The following ANO4 variants were observed in gnomAD, a reference collection of about 807,000 sequenced individuals.
ANO4 encodes anoctamin 4.
Under a neutral mutation model 141.9 loss-of-function variants are expected in ANO4, and 69 were observed. The ratio of observed to expected loss-of-function variants is 0.49; its 90% CI spans 0.40 to 0.59. The LOEUF (loss-of-function observed/expected upper bound fraction) is 0.59. Among genes scored for constraint, ANO4 ranks in the 20% least tolerant of loss-of-function variants. ANO4 has a pLI of 0.00. For synonymous variants in ANO4, 350 were observed against 394.3 expected (o/e 0.89, Z 1.33); for missense variants, 894 against 1,162.2 (o/e 0.77, Z 3.36).
intron 14 of ANO4, among the ~76,000 whole-genome samples, chr12:101,055,768 A>T (rs1324967663): frequency 6.6e-6 from 1 of 151,996 alleles, no homozygotes; most frequent in South Asian, 2.1e-4. Context: ...TTTCGTCTAT[A>T]TTGTCTTCTA....
rs144147343 is a variant in ANO4, at chr12:101,015,002, T to C, written c.735-5032T>C. Among the ~76,000 whole-genome samples, 420 of 151,602 alleles carry C rather than the reference T, an allele frequency of 2.8e-3. 2 individuals carry two copies. Among genetic ancestry groups the C allele is most frequent in the African/African-American group, 9.7e-3 (400 of 41,422 alleles). ...ACACCACCACACCCAGCTAATTTTT[T>C]TTTTTGTAGAGATGGGGTCTCACTA... On this transcript the variant is annotated intron_variant, in intron 8 of 27. Transcript: ENST00000392977.
intron 27 of ANO4, among the ~76,000 whole-genome samples, chr12:101,127,636 T>C (rs576853201): frequency 1.3e-5 from 2 of 152,342 alleles, no homozygotes; most frequent in African/African-American, 4.8e-5. Context: ...CCTGTTTCTA[T>C]TTCCCCAATA....
intron 5 of ANO4, among the ~76,000 whole-genome samples, chr12:100,943,126 T>C (rs2042584324): frequency 6.6e-6 from 1 of 152,204 alleles, no homozygotes; most frequent in Non-Finnish European, 1.5e-5. Context: ...AAGGCAGAAC[T>C]AAGTAAGGAA....
At chr12:100,859,256 A>G (rs2038347904) in intron 1 of ANO4, 1 of 152,166 alleles carries the variant, frequency 6.6e-6, no homozygotes, top group Admixed American at 6.6e-5. Flanking sequence ...TGGCAGTGAC[A>G]GGTGTCACTT....
At chr12:100,840,043 C>T (rs1299453191) in intron 1 of ANO4, among the ~76,000 whole-genome samples, 5 of 151,904 alleles carry the variant, frequency 3.3e-5, no homozygotes, top group Non-Finnish European at 5.9e-5. Context: ...TGGCCTTTTC[C>T]CCACCTCCTC....
intron 14 of ANO4, among the ~76,000 whole-genome samples, chr12:101,067,205 A>G (rs977122359): frequency 1.6e-4 from 25 of 152,312 alleles, no homozygotes; most frequent in South Asian, 2.1e-4. Flanking sequence ...AAATATGTGA[A>G]GGAATAGTGT....
intron 1 of ANO4, among the ~76,000 whole-genome samples, chr12:100,861,646 A>G (rs2038481883): frequency 6.6e-6 from 1 of 152,214 alleles, no homozygotes; most frequent in African/African-American, 2.4e-5. Flanking sequence ...CATTTAGTCT[A>G]CACTAAGGTT....
intron 3 of ANO4, among the ~76,000 whole-genome samples, chr12:100,775,712 G>T (rs1236716982): frequency 6.6e-6 from 1 of 152,146 alleles, no homozygotes; most frequent in Non-Finnish European, 1.5e-5. Context: ...TAAGAGCACA[G>T]CATTCATGTG....
intron 17 of ANO4, among the ~76,000 whole-genome samples, chr12:101,088,441 T>C (rs1374999997): frequency 2.6e-5 from 4 of 152,128 alleles, no homozygotes; most frequent in African/African-American, 9.7e-5. Flanking sequence ...ATGCTATATA[T>C]TTTACTTATT....
At chr12:101,019,768 G>A (rs973359742) in intron 8 of ANO4, among the ~76,000 whole-genome samples, 2 of 152,138 alleles carry the variant, frequency 1.3e-5, no homozygotes, top group Admixed American at 1.3e-4. Flanking sequence ...ACCTAGACTT[G>A]CTATTAGTTT....
chr12:100,875,112 G>T (rs1349865081), intron 1 of ANO4, among the ~76,000 whole-genome samples: 2 of 152,144 alleles, frequency 1.3e-5, no homozygotes, highest in Non-Finnish European at 2.9e-5. Flanking sequence ...AAGGACATGA[G>T]ATTTGGGAGG....
chr12:100,882,031 G>A (rs902797040), intron 1 of ANO4, among the ~76,000 whole-genome samples: 1 of 152,062 alleles, frequency 6.6e-6, no homozygotes, highest in Non-Finnish European at 1.5e-5. Context: ...GGAGCATCAG[G>A]CCTGATGCAC....
chr12:100,878,944 A>C (rs1264849008), intron 1 of ANO4, among the ~76,000 whole-genome samples: 2 of 152,180 alleles, frequency 1.3e-5, no homozygotes, highest in Non-Finnish European at 2.9e-5. Context: ...GAGTTAGTGC[A>C]TCTCAAGTAA....
At chr12:101,053,989 T>C (rs1009815902) in intron 14 of ANO4, among the ~76,000 whole-genome samples, 41 of 152,228 alleles carry the variant, frequency 2.7e-4, no homozygotes, top group Middle Eastern at 3.2e-3. Context: ...GGCCAACTGG[T>C]GGCAGGCAGG....
chr12:100,894,097 T>G (rs1008906319), intron 1 of ANO4, among the ~76,000 whole-genome samples: 1 of 152,168 alleles, frequency 6.6e-6, no homozygotes, highest in Non-Finnish European at 1.5e-5. Flanking sequence ...GCTTAAACGC[T>G]CAGTTAACGT....
rs773052212 is a variant in ANO4, at chr12:101,120,517, T to C, written c.2571-3T>C. ...AATGCAACATTTTTCTGTGTCTTTA[T>C]AGATACCGGGACTACCGTGACCCGC... On this transcript the variant is annotated splice_polypyrimidine_tract_variant and splice_region_variant and intron_variant, in intron 25 of 27. Coordinates refer to ENST00000392977, the MANE Select transcript of ANO4 (RefSeq NM_001286615.2). 1 of 1,612,746 alleles carries C rather than the reference T, an allele frequency of 6.2e-7. No individual in the cohort carries two copies. Among genetic ancestry groups the C allele is most frequent in the African/African-American group, 1.3e-5 (1 of 75,010 alleles).
At position 101,094,437 on chromosome 12, in the gene ANO4, A is replaced by T. The variant is rs575306900; in HGVS notation, c.1738+145A>T. On this transcript the variant is annotated intron_variant, in intron 18 of 27. Coordinates refer to ENST00000392977, the MANE Select transcript of ANO4 (RefSeq NM_001286615.2). ...CAAGTTTTTTCTTTGCCTTCAACAG[A>T]ATAATTTAAATATGTCTAGTAATTT... is the stretch of plus-strand genomic sequence containing the variant. 7 of 528,668 alleles carry T rather than the reference A, an allele frequency of 1.3e-5. No homozygotes were observed. The East Asian group carries it at 2.3e-4, about 17-fold the overall frequency. 32.7% of individuals were successfully genotyped at this position (528,668 alleles called of 1,614,324 possible). A position where few individuals can be genotyped will look rare whatever the true frequency, so the allele number is the denominator to read the frequency against.
chr12:101,020,289 T>TA (rs1209994855), intron 9 of ANO4, 149 bp downstream of exon 9: 78 of 607,744 alleles, frequency 1.3e-4, no homozygotes, highest in African/African-American at 1.2e-3. Context: ...TTCACAAGTG[T>TA]AAAATCTTCG....
intron 1 of ANO4, among the ~76,000 whole-genome samples, chr12:100,819,450 A>G (rs1253168528): frequency 6.6e-6 from 1 of 151,968 alleles, no homozygotes; most frequent in Non-Finnish European, 1.5e-5. Flanking sequence ...TTTGGGATTT[A>G]TATATGTATA....
Sources: gnomAD v4.1 joint callset for allele counts (sites outside exome capture counted in the v4.1 genomes callset) on GRCh38, gnomAD v4.1.1 for gene constraint, MANE v1.5 for transcripts, NCBI Gene and HGNC (gene_info 2026-07-23, HGNC 2026-07-21) for gene names.